The following TBC1D8B variants were observed in gnomAD, a reference collection of about 807,000 sequenced individuals.
TBC1D8B encodes TBC1 domain family member 8B, also known as RP11-321G1.1.
TBC1D8B carries 75 observed loss-of-function variants against 82.9 expected under a neutral mutation model. That is an observed-to-expected ratio of 0.90 (90% CI 0.75 to 1.10). The LOEUF (loss-of-function observed/expected upper bound fraction) is 1.10, where lower values mean the gene tolerates loss of function less well. Ranked by LOEUF, TBC1D8B falls within the 50% of genes least tolerant of loss-of-function variation. TBC1D8B has a pLI of 0.00. For missense variants in TBC1D8B, 794 were observed against 796.9 expected (o/e 1.00, Z 0.04); for synonymous variants, 276 against 276.8 (o/e 1.00, Z 0.03).
Position 106,853,702 on chromosome X carries a change from A to T in TBC1D8B, c.2253+52A>T, listed in dbSNP as rs183618486. On this transcript the variant is annotated intron_variant, in intron 13 of 20. Coordinates refer to ENST00000357242, the MANE Select transcript of TBC1D8B (RefSeq NM_017752.3). ...TTAGCTAGCATATTTAAAATGATTG[A>T]ACTATGGTCTATCTCTAATGGTATA... 261 of 1,087,041 alleles carry T rather than the reference A, an allele frequency of 2.4e-4. No homozygotes were observed. The African/African-American group carries it at 4.3e-3, about 18-fold the overall frequency. The allele number at this position is 1,087,041 out of a possible 1,213,427, so 89.6% of individuals were successfully genotyped here. A position where few individuals can be genotyped will look rare whatever the true frequency, so the allele number is the denominator to read the frequency against.
intron 7 of TBC1D8B, chrX:106,827,548 T>A (rs952541477): frequency 3.1e-5 from 11 of 354,498 alleles, no homozygotes; most frequent in African/African-American, 2.9e-4. Flanking sequence ...CCATACATTA[T>A]AAAATTACTA....
At chrX:106,852,905 G>A (rs751996630) in intron 12 of TBC1D8B, among the ~76,000 whole-genome samples, 10 of 109,913 alleles carry the variant, frequency 9.1e-5, no homozygotes, top group South Asian at 3.9e-4. Context: ...TTGGCGATGC[G>A]GGCTCTTTTT....
intron 7 of TBC1D8B, among the ~76,000 whole-genome samples, chrX:106,834,726 G>A (rs1036293233): frequency 1.8e-5 from 2 of 111,743 alleles, no homozygotes; most frequent in African/African-American, 6.5e-5. Flanking sequence ...CAAAACAAAG[G>A]GGCTACAGGC....
chrX:106,826,278 A>G, intron 6 of TBC1D8B, 41 bp downstream of exon 6: 1 of 1,090,897 alleles, frequency 9.2e-7, no homozygotes, highest in Non-Finnish European at 1.3e-6. Flanking sequence ...TAGTTTGAAA[A>G]TGTTATCCTT....
intron 18 of TBC1D8B, 145 bp downstream of exon 18, chrX:106,868,621 C>T: frequency 3.1e-6 from 1 of 327,635 alleles, no homozygotes; most frequent in Non-Finnish European, 5.1e-6. Context: ...TAGCATGGTC[C>T]ATAAATGTTT....
intron 1 of TBC1D8B, chrX:106,815,261 A>C (rs922623897): frequency 8.0e-5 from 9 of 112,041 alleles, no homozygotes; most frequent in African/African-American, 2.9e-4. Flanking sequence ...AGCTTTTTAC[A>C]TATGGCTAGC....
chrX:106,841,055 A>G (rs1451740514), intron 10 of TBC1D8B, among the ~76,000 whole-genome samples, 171 bp downstream of exon 10: 1 of 111,698 alleles, frequency 9.0e-6, no homozygotes, highest in Non-Finnish European at 1.9e-5. Context: ...GAGAATTGAT[A>G]TTTCATTATT....
In TBC1D8B at chrX:106,875,629, A is replaced by G. The variant is rs1358289261; in HGVS notation, c.*1664A>G. On this transcript the variant is annotated 3_prime_UTR_variant, in exon 21 of 21. Coordinates refer to ENST00000357242, the MANE Select transcript of TBC1D8B (RefSeq NM_017752.3). Reference sequence around the variant, plus strand: ...GTCCATATTTTACAGCTTAGATAATAGTTTATATGGAAACTATTATACATC... The same window carrying G: ...GTCCATATTTTACAGCTTAGATAATGGTTTATATGGAAACTATTATACATC... 2.7e-5 allele frequency: 3 copies of G among 111,943 alleles called. No individual in the cohort carries two copies. The East Asian group carries it at 8.4e-4, about 31-fold the overall frequency. 9.2% of individuals were successfully genotyped at this position (111,943 alleles called of 1,213,427 possible).
intron 1 of TBC1D8B, among the ~76,000 whole-genome samples, chrX:106,812,369 T>C (rs1042904461): frequency 1.8e-5 from 2 of 112,136 alleles, no homozygotes; most frequent in African/African-American, 6.5e-5. Context: ...TTTGTAAGCA[T>C]GACAACTTAT....
chrX:106,845,803 A>G (rs905023154), intron 10 of TBC1D8B, among the ~76,000 whole-genome samples: 1 of 111,020 alleles, frequency 9.0e-6, no homozygotes, highest in East Asian at 2.9e-4. Context: ...CCCAACTGCT[A>G]TCCACTGCCT....
chrX:106,868,606 G>A, intron 18 of TBC1D8B, 130 bp downstream of exon 18: 1 of 340,165 alleles, frequency 2.9e-6, no homozygotes. Flanking sequence ...TATTACCACA[G>A]CACTTAGCAT....
chrX:106,823,224 A>C lies in TBC1D8B; in HGVS notation c.587-2A>C, dbSNP rs1931744501. ...ATACCTGCTTATACCTCTTATTTGC[A>C]GTAAAACTCATTATCTCCTGGGATG... On this transcript the variant is annotated splice_acceptor_variant, in intron 4 of 20. Coordinates refer to ENST00000357242, the MANE Select transcript of TBC1D8B (RefSeq NM_017752.3). LOFTEE classifies it high-confidence loss of function. 2 of 1,205,004 alleles carry C rather than the reference A, an allele frequency of 1.7e-6. No homozygotes were observed. The highest frequency in any genetic ancestry group is 1.1e-6 in the Non-Finnish European group (1 of 890,890).
At chrX:106,803,053 G>A in intron 1 of TBC1D8B, 70 bp downstream of exon 1, 1 of 1,071,859 alleles carries the variant, frequency 9.3e-7, no homozygotes, top group Non-Finnish European at 1.2e-6. Context: ...GAGGACAACA[G>A]TTACTCGTCG....
In TBC1D8B at chrX:106,839,405, C is replaced by A; in HGVS notation, c.1301C>A (p.Ala434Asp). 5.9e-6 allele frequency: 7 copies of A among 1,181,791 alleles called. No individual in the cohort carries two copies. In the South Asian group the frequency reaches 7.9e-5, roughly 13 times the overall value. Residue 434 changes from alanine to aspartate, a missense_variant, in exon 8 of 21, where the codon GCC (alanine) becomes GAC (aspartate). By Grantham distance (126) the Ala-to-Asp change is moderately radical. Coordinates refer to ENST00000357242, the MANE Select transcript of TBC1D8B (RefSeq NM_017752.3). Reference sequence around the variant, plus strand: ...TGCAGTAAAACTGTGAACACTGAAGCCTTAATGACAGTATTTCACCCTCAG... The same window carrying A: ...TGCAGTAAAACTGTGAACACTGAAGACTTAATGACAGTATTTCACCCTCAG... ...RECSKTVNTE[A>D]LMTVFHPQNL...
At chrX:106,830,587 C>T (rs1166663992) in intron 7 of TBC1D8B, among the ~76,000 whole-genome samples, 2 of 110,732 alleles carry the variant, frequency 1.8e-5, no homozygotes, top group Admixed American at 1.9e-4. Context: ...AAATATGGCA[C>T]ATATACACCA....
chrX:106,805,107 A>ATCTCTC (rs1396130837), intron 1 of TBC1D8B, among the ~76,000 whole-genome samples: 27 of 66,396 alleles, frequency 4.1e-4, no homozygotes, highest in African/African-American at 1.6e-3. Context: ...TTGAGACAGG[A>ATCTCTC]TCTCTCACTC....
At chrX:106,856,529 TTA>T (rs777169835) in intron 14 of TBC1D8B, among the ~76,000 whole-genome samples, 1 of 111,053 alleles carries the variant, frequency 9.0e-6, no homozygotes, top group South Asian at 3.8e-4. Flanking sequence ...TTATGTAATA[TTA>T]TGTTTTTCCA....
chrX:106,830,275 C>T (rs1309117807), intron 7 of TBC1D8B, among the ~76,000 whole-genome samples: 2 of 111,510 alleles, frequency 1.8e-5, no homozygotes, highest in Non-Finnish European at 3.8e-5. Context: ...GAATGGCGAT[C>T]ATTAAAAAGT....
chrX:106,840,860 G>T lies in TBC1D8B; in HGVS notation c.1695G>T (p.Arg565Ser). 1 of 1,210,134 alleles carries T rather than the reference G, an allele frequency of 8.3e-7. No homozygotes were observed. Among genetic ancestry groups the T allele is most frequent in the Non-Finnish European group, 1.1e-6 (1 of 894,563 alleles). ...LRRVLTAYAY[R>S]NPKIGYCQAM... ...GGGTACTCACAGCTTATGCATACAGGAATCCCAAAATTGGATACTGCCAGG... is the reference window on the plus strand; with the variant it reads ...GGGTACTCACAGCTTATGCATACAGTAATCCCAAAATTGGATACTGCCAGG... The change falls in exon 10 of 21, where the codon AGG becomes AGT. Residue 565 changes from arginine to serine, a missense_variant. Arg to Ser is a moderately radical substitution (Grantham distance 110). Transcript: ENST00000357242.
Sources: allele counts gnomAD v4.1 joint callset (sites outside exome capture counted in the v4.1 genomes callset), GRCh38; gene constraint gnomAD v4.1.1; transcripts MANE v1.5; gene names NCBI Gene and HGNC (gene_info 2026-07-23, HGNC 2026-07-21).